The following AKAP11 variants were observed in gnomAD, a reference collection of about 807,000 sequenced individuals.
The protein encoded by AKAP11 is A-kinase anchor protein 11.
Under a neutral mutation model 146.1 loss-of-function variants are expected in AKAP11, and 36 were observed. The observed-to-expected ratio is 0.25, with a 90% confidence interval of 0.19 to 0.33. The LOEUF (loss-of-function observed/expected upper bound fraction) is 0.33. AKAP11 is among the 10% of genes least tolerant of loss of function. The probability of loss-of-function intolerance (pLI) is 1.00; values close to 1 mark genes in which losing one functional copy is unlikely to be tolerated. For missense variants in AKAP11, 2,201 were observed against 2,197.0 expected (o/e 1.00, Z -0.04); for synonymous variants, 780 against 786.5 (o/e 0.99, Z 0.14).
intron 8 of AKAP11, 129 bp from the exon 9 acceptor site, chr13:42,308,325 T>C (rs1960382059): frequency 1.4e-6 from 1 of 711,312 alleles, no homozygotes; most frequent in Non-Finnish European, 2.2e-6. Context: ...AAGGATTACA[T>C]GAGCCACTGG....
intron 1 of AKAP11, among the ~76,000 whole-genome samples, chr13:42,273,839 C>G (rs1279954791): frequency 6.6e-6 from 1 of 152,106 alleles, no homozygotes; most frequent in African/African-American, 2.4e-5. Context: ...GGAAAAGGAA[C>G]TCAAACCAAT....
rs774749854 is a variant in AKAP11, at chr13:42,300,725, T to C, written c.1979T>C (p.Met660Thr). The change falls in exon 8 of 13, where the codon ATG becomes ACG. Residue 660 changes from methionine to threonine, a missense_variant. Around this residue, in one of 3 missense-constraint regions of AKAP11, gnomAD observed 1,867 missense variants for 1,833.5 expected, o/e 1.02. Transcript: ENST00000025301. ...LAEELVFEGI[M>T]EVCQFSYPQT... ...GAAGAGCTTGTTTTTGAAGGCATCA[T>C]GGAGGTGTGTCAGTTTTCATATCCT... is the stretch of plus-strand genomic sequence containing the variant. The C allele has an allele frequency of 1.9e-6, 3 of 1,613,960 alleles. No individual in the cohort carries two copies. The African/African-American group carries it at 4.0e-5, about 22-fold the overall frequency.
chr13:42,299,222 G>C (rs1566270537), intron 7 of AKAP11, 141 bp from the exon 8 acceptor site: 5 of 726,614 alleles, frequency 6.9e-6, no homozygotes, highest in East Asian at 2.7e-5. Flanking sequence ...AATGTTACTT[G>C]GGTGAATCTT....
intron 3 of AKAP11, among the ~76,000 whole-genome samples, chr13:42,291,012 G>A (rs145799209): frequency 1.5e-3 from 231 of 152,262 alleles, no homozygotes; most frequent in African/African-American, 5.0e-3. Context: ...AAAGAATTAC[G>A]AATTTGTAAT....
rs201004618 is a variant in AKAP11 at position 42,274,480 on chromosome 13, TC to T, written c.-100+2253del. 8.4e-3 allele frequency among the ~76,000 whole-genome samples: 1,276 copies of T among 152,244 alleles called. 11 individuals carry two copies. Among genetic ancestry groups the T allele is most frequent in the South Asian group, 0.034 (166 of 4,824 alleles). ...GGGTGGATCACTTGAGACCAGGAGT[TC>T]AAGACCAGCCTGGCCAACATGGAAA... is the stretch of plus-strand genomic sequence containing the variant. On this transcript the variant is annotated intron_variant, in intron 1 of 12. Coordinates refer to ENST00000025301, the MANE Select transcript of AKAP11 (RefSeq NM_016248.4).
chr13:42,303,788 G>A lies in AKAP11; in HGVS notation c.5042G>A (p.Gly1681Asp), dbSNP rs1298513221. The A allele has an allele frequency of 1.9e-6, 3 of 1,612,334 alleles. No individual in the cohort carries two copies. Among genetic ancestry groups the A allele is most frequent in the Non-Finnish European group, 1.7e-6 (2 of 1,179,188 alleles). The change falls in exon 8 of 13, where the codon GGT (glycine) becomes GAT (aspartate). Residue 1681 changes from glycine (G) to aspartate (D), a missense_variant. Gly to Asp is a moderately conservative substitution (Grantham distance 94, BLOSUM62 -1). Transcript: ENST00000025301. ...LAADSGIGQE[G>D]ASFAESLATE... ...GCCGACAGTGGGATCGGACAGGAGG[G>A]TGCCAGCTTTGCTGAAAGCCTTGCC...
At chr13:42,272,313 C>T (rs1430515887) in intron 1 of AKAP11, 85 bp downstream of exon 1, 1 of 152,160 alleles carries the variant, frequency 6.6e-6, no homozygotes, top group Non-Finnish European at 1.5e-5. Context: ...GATGGAGCGG[C>T]CCGGCTCCGG....
In AKAP11 at chr13:42,290,541, G is replaced by T. The variant is rs547645923; in HGVS notation, c.52-1844G>T. ...ATAATCCTTTCCTAAATCAGTAATT[G>T]CATTGGGAGTTTACAAATGGGGTTT... On this transcript the variant is annotated intron_variant, in intron 3 of 12. Transcript: ENST00000025301. Among the ~76,000 whole-genome samples the T allele has an allele frequency of 2.0e-5, 3 of 152,226 alleles. No individual in the cohort carries two copies. The South Asian group carries it at 6.2e-4, about 32-fold the overall frequency.
In AKAP11 at chr13:42,300,450, C is replaced by CT. The variant is rs1267518734; in HGVS notation, c.1706dup (p.Leu569PhefsTer29). The CT allele has an allele frequency of 6.2e-7, 1 of 1,613,940 alleles. No individual in the cohort carries two copies. Among genetic ancestry groups the CT allele is most frequent in the Non-Finnish European group, 8.5e-7 (1 of 1,179,944 alleles). ...AAAGTTTTGGCAGTGCATTTAAAGA[C>CT]TTACAGAAAGGAGTCTCTTCATGTA... On this transcript the variant is annotated frameshift_variant, in exon 8 of 13. Transcript: ENST00000025301. LOFTEE classifies it high-confidence loss of function.
chr13:42,284,963 A>G (rs931135780), intron 1 of AKAP11, among the ~76,000 whole-genome samples: 5 of 152,254 alleles, frequency 3.3e-5, no homozygotes, highest in African/African-American at 1.2e-4. Context: ...GAATACAATC[A>G]TACTTCTTTG....
At chr13:42,313,163 A>T in intron 10 of AKAP11, 33 bp downstream of exon 10, 1 of 1,506,218 alleles carries the variant, frequency 6.6e-7, no homozygotes. Flanking sequence ...AAAACTGATG[A>T]GTCTGTCACC....
Position 42,308,613 on chromosome 13 carries a change from A to G in AKAP11, c.5273+4A>G. ...GTTTTCATCATCTAAGTGAAAGGTA[A>G]CTACACTTTTGCATATAATTGTGTA... On this transcript the variant is annotated splice_donor_region_variant and intron_variant, in intron 9 of 12. Transcript: ENST00000025301. The G allele has an allele frequency of 6.2e-7, 1 of 1,610,532 alleles. No homozygotes were observed. The highest frequency in any genetic ancestry group is 8.5e-7 in the Non-Finnish European group (1 of 1,177,826).
intron 4 of AKAP11, among the ~76,000 whole-genome samples, chr13:42,293,253 C>T (rs952960627): frequency 6.6e-6 from 1 of 152,126 alleles, no homozygotes; most frequent in Admixed American, 6.5e-5. Flanking sequence ...CTGATAGATC[C>T]ATTTTTCATC....
chr13:42,294,053 T>G (rs1959356477), intron 4 of AKAP11, among the ~76,000 whole-genome samples: 1 of 152,186 alleles, frequency 6.6e-6, no homozygotes, highest in African/African-American at 2.4e-5. Flanking sequence ...GCCTAGAAGT[T>G]AACTGTATGT....
At position 42,301,488 on chromosome 13, in the gene AKAP11, A is replaced by T; in HGVS notation, c.2742A>T (p.Lys914Asn). The T allele has an allele frequency of 6.2e-7, 1 of 1,613,808 alleles. No homozygotes were observed. The highest frequency in any genetic ancestry group is 8.5e-7 in the Non-Finnish European group (1 of 1,179,916). ...ATTTAACTAAATCTTTAAAGGAGAA[A>T]ACCCCTCCATTTTCCCACTGTGATC... ...TDYLTKSLKE[K>N]TPPFSHCDQA... is the part of the protein sequence containing the mutation. Residue 914 changes from lysine to asparagine, a missense_variant, in exon 8 of 13, where the codon AAA (lysine) becomes AAT (asparagine). Coordinates refer to ENST00000025301, the MANE Select transcript of AKAP11 (RefSeq NM_016248.4).
chr13:42,315,571 GA>G (rs1960780844), intron 11 of AKAP11, among the ~76,000 whole-genome samples: 1 of 152,040 alleles, frequency 6.6e-6, no homozygotes, highest in South Asian at 2.1e-4. Context: ...GAATGATTAA[GA>G]AAAAAGAAGA....
chr13:42,306,176 GATA>G (rs1486290377), intron 8 of AKAP11, among the ~76,000 whole-genome samples: 3 of 152,164 alleles, frequency 2.0e-5, no homozygotes, highest in African/African-American at 7.2e-5. Context: ...TTCCTAGTAT[GATA>G]ATAAACATAA....
At chr13:42,298,824 A>G (rs1959673415) in intron 7 of AKAP11, 27 bp downstream of exon 7, 2 of 1,533,924 alleles carry the variant, frequency 1.3e-6, no homozygotes, top group Non-Finnish European at 8.7e-7. Context: ...ACTTTTTCCT[A>G]AAATAGGGAA....
intron 9 of AKAP11, among the ~76,000 whole-genome samples, chr13:42,310,206 G>A (rs925380392): frequency 6.6e-6 from 1 of 152,162 alleles, no homozygotes; most frequent in East Asian, 1.9e-4. Flanking sequence ...ATGGCATTTT[G>A]TCAGAAAAAG....
Sources: gnomAD v4.1 joint callset for allele counts (sites outside exome capture counted in the v4.1 genomes callset) on GRCh38, gnomAD v4.1.1 for gene constraint, gnomAD v4.1.1 regional missense constraint, MANE v1.5 for transcripts, NCBI Gene and HGNC (gene_info 2026-07-23, HGNC 2026-07-21) for gene names.